The following COL9A1 variants were observed in gnomAD, a reference collection of about 807,000 sequenced individuals.
The protein encoded by COL9A1 is collagen type IX alpha 1 chain.
In COL9A1, 104 loss-of-function variants were observed where a neutral mutation model predicts 142.6. The observed-to-expected ratio is 0.73, with a 90% CI of 0.62 to 0.86. The LOEUF (loss-of-function observed/expected upper bound fraction) is 0.86, where lower values mean the gene tolerates loss of function less well. Among genes scored for constraint, COL9A1 ranks in the 40% least tolerant of loss-of-function variants. The probability of loss-of-function intolerance (pLI) is 0.00; values close to 1 mark genes in which losing one functional copy is unlikely to be tolerated. For synonymous variants in COL9A1, 466 were observed against 396.0 expected (o/e 1.18, Z -2.10); for missense variants, 1,210 against 1,176.6 (o/e 1.03, Z -0.42).
rs77706858 is a variant in COL9A1 at position 70,263,290 on chromosome 6, T to C, written c.1349A>G (p.Glu450Gly). 4.0e-3 allele frequency: 6,468 copies of C among 1,609,246 alleles called. 13 individuals are homozygous for C. Among genetic ancestry groups the C allele is most frequent in the Non-Finnish European group, 4.6e-3 (5,402 of 1,177,532 alleles). The change falls in exon 19 of 38, where the codon GAA becomes GGA. Residue 450 changes from glutamate to glycine, a missense_variant. Coordinates refer to ENST00000357250, the MANE Select transcript of COL9A1 (RefSeq NM_001851.6). Reference protein sequence around the residue: ...EPGRQGHKGEEGDQGELGEVG... With the variant: ...EPGRQGHKGEGGDQGELGEVG... ...TTCTCCGAGTTCTCCCTGGTCACCT[T>C]CTTCACCCTAAAGAAAAAAAAGAAA...
At chr6:70,266,231 C>G (rs555749784) in intron 18 of COL9A1, among the ~76,000 whole-genome samples, 1 of 152,236 alleles carries the variant, frequency 6.6e-6, no homozygotes, top group African/African-American at 2.4e-5. Context: ...TACTCAGAAT[C>G]TAGGTTATAT....
chr6:70,293,630 T>TAC (rs1773733302), intron 5 of COL9A1, among the ~76,000 whole-genome samples: 1 of 74,216 alleles, frequency 1.3e-5, no homozygotes, highest in African/African-American at 5.2e-5. Flanking sequence ...CTCTCTCTCT[T>TAC]TCACACACAC....
chr6:70,215,809 C>A (rs181766999), downstream of COL9A1: 1 of 152,222 alleles, frequency 6.6e-6, no homozygotes, highest in East Asian at 1.9e-4. Context: ...TCCACGAAAT[C>A]TCTGAAATAC....
chr6:70,217,525 G>A (rs1768601891), intron 37 of COL9A1, among the ~76,000 whole-genome samples: 2 of 152,120 alleles, frequency 1.3e-5, no homozygotes, highest in Admixed American at 1.3e-4. Flanking sequence ...TGCACACAGT[G>A]GGTTAAGTAA....
rs571292959 is a variant in COL9A1, at chr6:70,271,029, C to A, written c.1143+626G>T. On this transcript the variant is annotated intron_variant, in intron 14 of 37. Transcript: ENST00000357250. ...CTCCCAATTATTTTAACTTTACAAT[C>A]ATTTCATATTCATTCACTTGTTCAC... is the stretch of plus-strand genomic sequence containing the variant. Among the ~76,000 whole-genome samples the A allele has an allele frequency of 1.1e-4, 16 of 152,332 alleles. No individual in the cohort carries two copies. In the South Asian group the frequency reaches 3.1e-3, roughly 30 times the overall value.
At chr6:70,269,190 G>T (rs1336590104) in intron 16 of COL9A1, among the ~76,000 whole-genome samples, 2 of 152,042 alleles carry the variant, frequency 1.3e-5, no homozygotes, top group African/African-American at 2.4e-5. Context: ...ATAACCTATT[G>T]TACCATGACA....
At chr6:70,293,631 TCACACA>T (rs3222430) in intron 5 of COL9A1, among the ~76,000 whole-genome samples, 7,354 of 137,766 alleles carry the variant, frequency 0.053, 270 homozygotes, top group East Asian at 0.18. Context: ...TCTCTCTCTT[TCACACA>T]CACACACACA....
chr6:70,267,319 G>GTTTTTTGTTT (rs1772078297), intron 17 of COL9A1, among the ~76,000 whole-genome samples: 1 of 99,692 alleles, frequency 1.0e-5, no homozygotes, highest in East Asian at 2.3e-4. Context: ...TGTTTGTTTG[G>GTTTTTTGTTT]TTTTTTTGTT....
chr6:70,265,330 T>C (rs187753810), intron 18 of COL9A1, among the ~76,000 whole-genome samples: 283 of 152,132 alleles, frequency 1.9e-3, no homozygotes, highest in African/African-American at 6.5e-3. Context: ...GAGAAAGGGA[T>C]ACAAACATCA....
At chr6:70,259,295 G>T (rs1487117031) in intron 20 of COL9A1, among the ~76,000 whole-genome samples, 1 of 152,184 alleles carries the variant, frequency 6.6e-6, no homozygotes, top group Non-Finnish European at 1.5e-5. Flanking sequence ...GCTCTGTGCT[G>T]CTGGGGGAAC....
chr6:70,224,508 T>C (rs1477874165), intron 37 of COL9A1, among the ~76,000 whole-genome samples: 1 of 152,208 alleles, frequency 6.6e-6, no homozygotes, highest in Non-Finnish European at 1.5e-5. Context: ...AAGTCATTGG[T>C]TCAAGAACTG....
intron 25 of COL9A1, among the ~76,000 whole-genome samples, chr6:70,254,242 A>C (rs1320799853): frequency 6.6e-6 from 1 of 152,224 alleles, no homozygotes; most frequent in Admixed American, 6.5e-5. Context: ...AACTAAAGAG[A>C]GAAAAGGAAT....
At chr6:70,258,421 C>T (rs1771465137) in intron 20 of COL9A1, 1 of 152,032 alleles carries the variant, frequency 6.6e-6, no homozygotes, top group Admixed American at 6.6e-5. Flanking sequence ...ATTAGAAAAT[C>T]CATGATAGAA....
Position 70,252,128 on chromosome 6 carries a change from C to G in COL9A1, c.1864G>C (p.Gly622Arg). 1 of 1,614,102 alleles carries G rather than the reference C, an allele frequency of 6.2e-7. No homozygotes were observed. Among genetic ancestry groups the G allele is most frequent in the South Asian group, 1.1e-5 (1 of 91,066 alleles). Residue 622 changes from glycine to arginine, a missense_variant, in exon 28 of 38, where the codon GGG (glycine) becomes CGG (arginine). Gly to Arg is a moderately radical substitution (Grantham distance 125). Transcript: ENST00000357250. ...CAGCAAGGAATACTCACAGGAAGCCCCTGGGGTCCTCGGGGTCCCACCTCT... is the reference window on the plus strand; with the variant it reads ...CAGCAAGGAATACTCACAGGAAGCCGCTGGGGTCCTCGGGGTCCCACCTCT... Reference protein sequence around the residue: ...PGEVGPRGPQGLPGSRGELGP... With the variant: ...PGEVGPRGPQRLPGSRGELGP...
intron 36 of COL9A1, among the ~76,000 whole-genome samples, chr6:70,230,320 T>A (rs1267515700): frequency 1.3e-5 from 2 of 152,152 alleles, no homozygotes; most frequent in Non-Finnish European, 2.9e-5. Flanking sequence ...TTTAAAAATT[T>A]AATTACCGCT....
intron 37 of COL9A1, among the ~76,000 whole-genome samples, chr6:70,221,917 G>A (rs1424001796): frequency 1.3e-5 from 2 of 152,108 alleles, no homozygotes; most frequent in African/African-American, 2.4e-5. Context: ...AAAGTTCCAG[G>A]GATTGCTAAT....
chr6:70,255,656 T>C (rs891849221), intron 21 of COL9A1, among the ~76,000 whole-genome samples: 1 of 152,212 alleles, frequency 6.6e-6, no homozygotes, highest in South Asian at 2.1e-4. Flanking sequence ...GTGTAACATA[T>C]AATGGATCCA....
Position 70,232,748 on chromosome 6 carries a change from T to C in COL9A1, c.2338A>G (p.Ser780Gly). Residue 780 changes from serine (S) to glycine (G), a missense_variant, in exon 36 of 38, where the codon AGT becomes GGT. Transcript: ENST00000357250. ...GCACCTGAGTCTGGACGCTTAAGAC[T>C]GGCAGCCATCTCAGCAAAATGTTCT... ...IQEHFAEMAA[S>G]LKRPDSGATG... 6.2e-7 allele frequency: 1 copy of C among 1,613,600 alleles called. No individual in the cohort carries two copies. Among genetic ancestry groups the C allele is most frequent in the Non-Finnish European group, 8.5e-7 (1 of 1,179,850 alleles).
At chr6:70,251,860 T>A (rs1033440993) in intron 28 of COL9A1, among the ~76,000 whole-genome samples, 1 of 152,242 alleles carries the variant, frequency 6.6e-6, no homozygotes, top group Admixed American at 6.5e-5. Flanking sequence ...TGGGTCTTTT[T>A]AAATCACACT....
Sources: allele counts gnomAD v4.1 joint callset (sites outside exome capture counted in the v4.1 genomes callset), GRCh38; gene constraint gnomAD v4.1.1; transcripts MANE v1.5; gene names NCBI Gene and HGNC (gene_info 2026-07-23, HGNC 2026-07-21).